Variants in SLC8A1 observed in about 807,000 individuals in gnomAD.
SLC8A1 encodes the protein sodium/calcium exchanger 1.
SLC8A1 carries 18 observed loss-of-function variants against 68.3 expected under a neutral mutation model. That is an observed-to-expected ratio of 0.26 (90% CI 0.18 to 0.39). The LOEUF is 0.39. SLC8A1 is among the 10% of genes least tolerant of loss of function. The pLI, the probability that SLC8A1 is intolerant of heterozygous loss-of-function variation, is 1.00. For missense variants in SLC8A1, 985 were observed against 1,156.7 expected, an observed-to-expected ratio of 0.85 and a Z score of 2.15; for synonymous variants, 475 against 415.5, an observed-to-expected ratio of 1.14 and a Z score of -1.74.
At chr2:40,308,672 A>G (rs1175822875) in intron 2 of SLC8A1, among the ~76,000 whole-genome samples, 2 of 152,110 alleles carry the variant, frequency 1.3e-5, no homozygotes, top group Non-Finnish European at 2.9e-5. Context: ...AAATAAAAAC[A>G]AACCTCTAAA....
chr2:40,287,921 G>T (rs937471647), intron 2 of SLC8A1, among the ~76,000 whole-genome samples: 1 of 152,046 alleles, frequency 6.6e-6, no homozygotes, highest in African/African-American at 2.4e-5. Flanking sequence ...GGAAGAACAC[G>T]CACGTTATGA....
intron 6 of SLC8A1, among the ~76,000 whole-genome samples, chr2:40,156,553 C>T (rs920693842): frequency 6.6e-6 from 1 of 151,940 alleles, no homozygotes; most frequent in Non-Finnish European, 1.5e-5. Flanking sequence ...AATTACTAGG[C>T]AGGATAAGCC....
chr2:40,326,717 G>T (rs1034483803), intron 2 of SLC8A1, among the ~76,000 whole-genome samples: 1 of 152,140 alleles, frequency 6.6e-6, no homozygotes, highest in Non-Finnish European at 1.5e-5. Flanking sequence ...GGCTACTAAT[G>T]GTTCTTGACA....
At chr2:40,184,375 T>A (rs914635875) in intron 2 of SLC8A1, among the ~76,000 whole-genome samples, 2 of 152,130 alleles carry the variant, frequency 1.3e-5, no homozygotes, top group South Asian at 4.1e-4. Context: ...CATGGGAAGA[T>A]CATTTTGTTT....
intron 2 of SLC8A1, among the ~76,000 whole-genome samples, chr2:40,393,049 G>T (rs1685826864): frequency 2.0e-5 from 3 of 152,066 alleles, no homozygotes; most frequent in Admixed American, 6.6e-5. Context: ...AATTTTATCA[G>T]TGTTTCATCT....
intron 2 of SLC8A1, among the ~76,000 whole-genome samples, chr2:40,256,130 C>T (rs940045414): frequency 2.7e-4 from 41 of 152,136 alleles, no homozygotes; most frequent in African/African-American, 9.2e-4. Flanking sequence ...CAAGAAATTT[C>T]TAAAACCATA....
chr2:40,254,646 C>T (rs2063587444), intron 2 of SLC8A1: 1 of 152,090 alleles, frequency 6.6e-6, no homozygotes, highest in South Asian at 2.1e-4. Context: ...TAACCTACAA[C>T]ACATACACTC....
At chr2:40,285,900 T>C (rs1023526239) in intron 2 of SLC8A1, among the ~76,000 whole-genome samples, 5 of 152,236 alleles carry the variant, frequency 3.3e-5, no homozygotes, top group African/African-American at 1.2e-4. Flanking sequence ...CAGAGTATTT[T>C]GCCTGAAGTT....
At chr2:40,502,344 A>C (rs1706106794) in intron 1 of SLC8A1, among the ~76,000 whole-genome samples, 1 of 151,840 alleles carries the variant, frequency 6.6e-6, no homozygotes, top group Non-Finnish European at 1.5e-5. Flanking sequence ...CTGGTTTTCA[A>C]CCTCTGCAAT....
intron 2 of SLC8A1, among the ~76,000 whole-genome samples, chr2:40,300,514 C>T (rs898127926): frequency 1.3e-5 from 2 of 152,156 alleles, no homozygotes; most frequent in East Asian, 1.9e-4. Context: ...AGTATTGTTT[C>T]GTGCCTCAGC....
At chr2:40,378,021 T>C (rs1366677184) in intron 2 of SLC8A1, among the ~76,000 whole-genome samples, 2 of 152,180 alleles carry the variant, frequency 1.3e-5, no homozygotes, top group East Asian at 1.9e-4. Context: ...CATCCATTCA[T>C]TCATTCATCA....
At chr2:40,411,586 A>T (rs1286785292) in intron 2 of SLC8A1, among the ~76,000 whole-genome samples, 1 of 151,538 alleles carries the variant, frequency 6.6e-6, no homozygotes, top group African/African-American at 2.4e-5. Context: ...CGTTGTCTTT[A>T]AAAAAACCTG....
chr2:40,369,093 C>T (rs1411225662), intron 2 of SLC8A1, among the ~76,000 whole-genome samples: 1 of 151,824 alleles, frequency 6.6e-6, no homozygotes, highest in Non-Finnish European at 1.5e-5. Context: ...CTTTAGGAGA[C>T]GACCTAGGCA....
intron 2 of SLC8A1, among the ~76,000 whole-genome samples, chr2:40,320,785 C>T (rs2075089259): frequency 6.6e-6 from 1 of 152,114 alleles, no homozygotes; most frequent in South Asian, 2.1e-4. Flanking sequence ...CTCAAAAGAA[C>T]AATTTATGAA....
chr2:40,340,520 G>T (rs1442246015), intron 2 of SLC8A1, among the ~76,000 whole-genome samples: 1 of 152,044 alleles, frequency 6.6e-6, no homozygotes, highest in African/African-American at 2.4e-5. Flanking sequence ...GAGATCGTGC[G>T]ACTGCACTCC....
At chr2:40,336,135 C>G (rs1373083898) in intron 2 of SLC8A1, among the ~76,000 whole-genome samples, 1 of 152,160 alleles carries the variant, frequency 6.6e-6, no homozygotes, top group Non-Finnish European at 1.5e-5. Context: ...ATGCTCCATT[C>G]CCCTCTAATC....
intron 2 of SLC8A1, among the ~76,000 whole-genome samples, chr2:40,236,764 C>T (rs895915355): frequency 6.6e-6 from 1 of 151,854 alleles, no homozygotes; most frequent in African/African-American, 2.4e-5. Context: ...ATGTTTAGTG[C>T]TTCCTTCAGG....
chr2:40,178,599 A>G (rs2048900567), intron 2 of SLC8A1, 106 bp from the exon 3 acceptor site: 5 of 899,664 alleles, frequency 5.6e-6, no homozygotes, highest in South Asian at 2.8e-5. Flanking sequence ...TCAGACAAAC[A>G]GTAATCGAGA....
chr2:40,319,349 T>G (rs983520274), intron 2 of SLC8A1, among the ~76,000 whole-genome samples: 10 of 152,084 alleles, frequency 6.6e-5, no homozygotes, highest in African/African-American at 2.2e-4. Flanking sequence ...GGTACAGGAC[T>G]AAGGAACCCA....
Sources: gnomAD v4.1 joint callset for allele counts (sites outside exome capture counted in the v4.1 genomes callset) on GRCh38, gnomAD v4.1.1 for gene constraint, MANE v1.5 for transcripts, NCBI Gene and HGNC (gene_info 2026-07-23, HGNC 2026-07-21) for gene names.